MGA: variants seen among roughly 807,000 people sequenced by gnomAD.
MGA encodes the protein MAX gene-associated protein.
In MGA, 40 loss-of-function variants were observed where a neutral mutation model predicts 261.1. The ratio of observed to expected loss-of-function variants is 0.15; its 90% CI spans 0.12 to 0.20. The LOEUF is 0.20. Among genes scored for constraint, MGA ranks in the 10% least tolerant of loss-of-function variants. The pLI is 1.00. For missense variants in MGA, 3,397 were observed against 3,630.5 expected, an observed-to-expected ratio of 0.94 and a Z score of 1.65; for synonymous variants, 1,302 against 1,290.6, an observed-to-expected ratio of 1.01 and a Z score of -0.19.
At chr15:41,730,618 T>C (rs1012288012) in intron 11 of MGA, among the ~76,000 whole-genome samples, 13 of 152,138 alleles carry the variant, frequency 8.5e-5, no homozygotes, top group African/African-American at 2.2e-4. Flanking sequence ...AAAGGAAAAA[T>C]GCCCTTCTAT....
rs199779997 is a variant in MGA at position 41,766,760 on chromosome 15, A to C, written c.8678A>C (p.Glu2893Ala). ...AAAGAGTTGCCTGATGTTCAAGGGG[A>C]GAGTGACTCTATCAGTCCCCTCCTC... The change falls in exon 24 of 24, where the codon GAG becomes GCG. Residue 2893 changes from glutamate to alanine, a missense_variant. By Grantham distance (107) the Glu-to-Ala change is moderately radical. Transcript: ENST00000219905. 2.9e-3 allele frequency: 4,747 copies of C among 1,613,994 alleles called. 9 individuals are homozygous for C. Among genetic ancestry groups the C allele is most frequent in the Non-Finnish European group, 3.5e-3 (4,152 of 1,179,884 alleles).
chr15:41,713,137 T>G lies in MGA; in HGVS notation c.3085-14T>G, dbSNP rs774363712. ...ATGGTTTAGTGGAATTACAATTTTCTCCTTTGACTTTAGGCATCCCTCAAA... is the reference window on the plus strand; with the variant it reads ...ATGGTTTAGTGGAATTACAATTTTCGCCTTTGACTTTAGGCATCCCTCAAA... On this transcript the variant is annotated splice_polypyrimidine_tract_variant and intron_variant, in intron 8 of 23. Transcript: ENST00000219905. The G allele has an allele frequency of 6.2e-7, 1 of 1,603,990 alleles. No homozygotes were observed. The highest frequency in any genetic ancestry group is 1.1e-5 in the South Asian group (1 of 90,946).
At chr15:41,639,777 T>C (rs2056785335) in intron 1 of MGA, among the ~76,000 whole-genome samples, 1 of 152,062 alleles carries the variant, frequency 6.6e-6, no homozygotes, top group Non-Finnish European at 1.5e-5. Flanking sequence ...CTCGATCTCC[T>C]GACCTCGTGA....
chr15:41,729,340 T>A lies in MGA; in HGVS notation c.3834T>A (p.Asn1278Lys). 15 of 1,610,246 alleles carry A rather than the reference T, an allele frequency of 9.3e-6. No homozygotes were observed. Among genetic ancestry groups the A allele is most frequent in the Non-Finnish European group, 1.3e-5 (15 of 1,178,788 alleles). The change falls in exon 11 of 24, where the codon AAT becomes AAA. Residue 1278 changes from asparagine (N) to lysine (K), a missense_variant. By Grantham distance (94) the Asn-to-Lys change is moderately conservative (BLOSUM62 0). Transcript: ENST00000219905. ...GTCATTCTAGCCCTGAGAACCATAA[T>A]AATGCAAAGGTGAGTTTCTTGTTGC...
intron 9 of MGA, among the ~76,000 whole-genome samples, chr15:41,714,495 A>G (rs943406288): frequency 6.6e-6 from 1 of 152,190 alleles, no homozygotes; most frequent in Non-Finnish European, 1.5e-5. Context: ...GACGTATGCC[A>G]GTAGTCAGAT....
Position 41,691,065 on chromosome 15 carries a change from G to GA in MGA, c.1065-5000dup, listed in dbSNP as rs1271983501. Among the ~76,000 whole-genome samples, 200 of 102,340 alleles carry GA rather than the reference G, an allele frequency of 2.0e-3. 3 individuals are homozygous for GA. Among genetic ancestry groups the GA allele is most frequent in the Admixed American group, 0.015 (124 of 8,272 alleles). The allele number at this position is 102,340 out of a possible 152,430, so 67.1% of individuals were successfully genotyped here. ...TTTTAGGGTCAGTTTGTCCCTTTCTGAAAAAAAAAATCACAGATGGAGTTT... is the reference window on the plus strand; with the variant it reads ...TTTTAGGGTCAGTTTGTCCCTTTCTGAAAAAAAAAAATCACAGATGGAGTTT... On this transcript the variant is annotated intron_variant, in intron 2 of 23. Coordinates refer to ENST00000219905, the MANE Select transcript of MGA (RefSeq NM_001164273.2).
At chr15:41,686,523 G>A (rs1372213087) in intron 2 of MGA, among the ~76,000 whole-genome samples, 7 of 151,538 alleles carry the variant, frequency 4.6e-5, no homozygotes, top group African/African-American at 1.7e-4. Context: ...GTGAGATGCT[G>A]TCTTAAAAAA....
intron 1 of MGA, among the ~76,000 whole-genome samples, chr15:41,641,795 T>G (rs944685386): frequency 2.6e-5 from 4 of 152,022 alleles, no homozygotes; most frequent in Non-Finnish European, 5.9e-5. Flanking sequence ...GCCTACACTT[T>G]TTTTGTTCTA....
intron 2 of MGA, among the ~76,000 whole-genome samples, chr15:41,675,715 A>C (rs941893235): frequency 3.3e-5 from 5 of 151,998 alleles, no homozygotes; most frequent in East Asian, 3.9e-4. Context: ...ATGACTGCTT[A>C]TTTCCTGTAA....
chr15:41,705,414 T>C (rs2060056678), intron 5 of MGA, among the ~76,000 whole-genome samples: 1 of 152,162 alleles, frequency 6.6e-6, no homozygotes, highest in Admixed American at 6.5e-5. Flanking sequence ...CTGGATGGAA[T>C]GCAGTGGCAC....
At chr15:41,646,990 C>T (rs961636366) in intron 1 of MGA, among the ~76,000 whole-genome samples, 2 of 152,138 alleles carry the variant, frequency 1.3e-5, no homozygotes, top group African/African-American at 4.8e-5. Context: ...CCATGTACAA[C>T]TTACTTCTTC....
intron 5 of MGA, among the ~76,000 whole-genome samples, chr15:41,706,300 A>T (rs553782948): frequency 6.6e-6 from 1 of 151,704 alleles, no homozygotes; most frequent in African/African-American, 2.4e-5. Flanking sequence ...AAGAACTGGA[A>T]TTGCAAACTA....
intron 1 of MGA, among the ~76,000 whole-genome samples, chr15:41,638,721 T>A (rs2056762143): frequency 6.7e-6 from 1 of 149,454 alleles, no homozygotes; most frequent in Admixed American, 6.7e-5. Context: ...GACAGGGTCT[T>A]TCTCTCTTGC....
chr15:41,713,425 A>G lies in MGA; in HGVS notation c.3359A>G (p.Glu1120Gly), dbSNP rs2060476761. 6.3e-7 allele frequency: 1 copy of G among 1,575,694 alleles called. No homozygotes were observed. Among genetic ancestry groups the G allele is most frequent in the Non-Finnish European group, 8.6e-7 (1 of 1,159,326 alleles). The stretch of plus-strand genomic sequence containing the variant: ...GATACTCTGGGAGAGGAGGCAAGGG[A>G]GGAGGAAGAAGGAATCAGGGAGGAG... The change falls in exon 9 of 24, where the codon GAG becomes GGG. Residue 1120 changes from glutamate to glycine, a missense_variant. Coordinates refer to ENST00000219905, the MANE Select transcript of MGA (RefSeq NM_001164273.2).
At chr15:41,665,721 C>T (rs1339011748) in intron 1 of MGA, among the ~76,000 whole-genome samples, 1 of 152,000 alleles carries the variant, frequency 6.6e-6, no homozygotes, top group Non-Finnish European at 1.5e-5. Flanking sequence ...ACATATAATT[C>T]ATCATTTTAA....
upstream of MGA, among the ~76,000 whole-genome samples, chr15:41,655,849 C>T (rs761730753): frequency 1.2e-4 from 19 of 152,290 alleles, no homozygotes; most frequent in Middle Eastern, 3.4e-3. Flanking sequence ...GATATAACTA[C>T]GTAATATAAC....
At chr15:41,728,361 C>G (rs1175090178) in intron 10 of MGA, among the ~76,000 whole-genome samples, 2 of 151,972 alleles carry the variant, frequency 1.3e-5, no homozygotes, top group African/African-American at 2.4e-5. Flanking sequence ...CTGAAAAAGG[C>G]AAGGGTTAGG....
intron 2 of MGA, among the ~76,000 whole-genome samples, chr15:41,691,092 G>A (rs962554770): frequency 3.3e-4 from 45 of 136,642 alleles, no homozygotes; most frequent in Non-Finnish European, 6.5e-4. Context: ...ATGGAGTTTT[G>A]GTAGATACTG....
Position 41,766,039 on chromosome 15 carries a change from A to C in MGA, c.7957A>C (p.Asn2653His). ...CTTATTTATGATGCCACGAATTGTT[A>C]ATGTGACATCATTGGCCACAGAGGG... The change falls in exon 24 of 24, where the codon AAT (asparagine) becomes CAT (histidine). Residue 2653 changes from asparagine (N) to histidine (H), a missense_variant. Physicochemically the swap from Asn to His is moderately conservative, Grantham distance 68. Coordinates refer to ENST00000219905, the MANE Select transcript of MGA (RefSeq NM_001164273.2). 1 of 1,612,568 alleles carries C rather than the reference A, an allele frequency of 6.2e-7. No homozygotes were observed.
Sources: gnomAD v4.1 joint callset for allele counts (sites outside exome capture counted in the v4.1 genomes callset) on GRCh38, gnomAD v4.1.1 for gene constraint, MANE v1.5 for transcripts, NCBI Gene and HGNC (gene_info 2026-07-23, HGNC 2026-07-21) for gene names.